C12orf42: variants seen among roughly 807,000 people sequenced by gnomAD.
C12orf42 encodes chromosome 12 open reading frame 42.
C12orf42 carries 25 observed loss-of-function variants against 21.6 expected under a neutral mutation model. That is an observed-to-expected ratio of 1.16 (90% CI 0.84 to 1.62). The LOEUF is 1.62. Ranked by LOEUF, C12orf42 falls within the 40% of genes most tolerant of loss-of-function variation. The probability of loss-of-function intolerance (pLI) is 0.00; values close to 1 mark genes in which losing one functional copy is unlikely to be tolerated. For synonymous variants in C12orf42, 174 were observed against 175.0 expected (o/e 0.99, Z 0.05); for missense variants, 483 against 459.3 (o/e 1.05, Z -0.47).
In C12orf42 at chr12:103,255,977, C is replaced by T. The variant is rs868062430; in HGVS notation, c.*1366+7349G>A. ...CTGAGGCAGGAGAATGGCGTGAACC[C>T]GGGAGGTGGAGCTTGCAGCGAGCCA... On this transcript the variant is annotated intron_variant and NMD_transcript_variant, in intron 10 of 10. Transcript: ENST00000547347. Among the ~76,000 whole-genome samples the T allele has an allele frequency of 8.1e-3, 1,133 of 139,688 alleles. 20 individuals are homozygous for T. Among genetic ancestry groups the T allele is most frequent in the African/African-American group, 0.029 (1,086 of 37,170 alleles). The allele number at this position is 139,688 out of a possible 152,430, so 91.6% of individuals were successfully genotyped here.
chr12:103,346,258 T>C (rs2042613564), intron 4 of C12orf42, among the ~76,000 whole-genome samples: 1 of 152,210 alleles, frequency 6.6e-6, no homozygotes, highest in Non-Finnish European at 1.5e-5. Flanking sequence ...AATAATGTTA[T>C]TACTGCTGTA....
chr12:103,142,120 C>T, the C12orf42 span, among the ~76,000 whole-genome samples: 1 of 152,098 alleles, frequency 6.6e-6, no homozygotes. Context: ...ATGAAAGAAG[C>T]TGGTTAAAGG....
chr12:103,506,065 T>C, the C12orf42 span: 2 of 222,548 alleles, frequency 9.0e-6, no homozygotes, highest in South Asian at 7.8e-5. Context: ...ATGGCTGATC[T>C]TTGCCACTTT....
At chr12:103,082,163 T>C in the C12orf42 span, among the ~76,000 whole-genome samples, 13 of 152,318 alleles carry the variant, frequency 8.5e-5, no homozygotes, top group African/African-American at 1.4e-4. Context: ...TATTTTCTGG[T>C]GAGAAAAACC....
At chr12:103,561,255 T>A in the C12orf42 span, among the ~76,000 whole-genome samples, 2 of 152,200 alleles carry the variant, frequency 1.3e-5, no homozygotes, top group African/African-American at 4.8e-5. Context: ...GCCCCAGCTT[T>A]GTGGATTTTG....
chr12:103,264,154 A>G (rs2035047214), downstream of C12orf42, among the ~76,000 whole-genome samples: 1 of 142,128 alleles, frequency 7.0e-6, no homozygotes, highest in African/African-American at 3.0e-5. Context: ...CTGAGAAAGT[A>G]ACAATGCTTC....
chr12:103,418,224 G>C (rs10860997), intron 2 of C12orf42, among the ~76,000 whole-genome samples: 94,502 of 151,922 alleles, frequency 0.62, 30,437 homozygotes, highest in Admixed American at 0.72. Flanking sequence ...AAAAATTCAG[G>C]GTTTTGGAAT....
At chr12:103,251,966 ATTTTAC>A (rs1253058941) in intron 10 of C12orf42, among the ~76,000 whole-genome samples, 1 of 152,142 alleles carries the variant, frequency 6.6e-6, no homozygotes. Context: ...ATTTTATTTT[ATTTTAC>A]TTTAAGTTCT....
At chr12:103,278,208 T>G (rs1411977937) in intron 4 of C12orf42, among the ~76,000 whole-genome samples, 1 of 152,146 alleles carries the variant, frequency 6.6e-6, no homozygotes, top group East Asian at 1.9e-4. Context: ...GGGGGGGCTA[T>G]GTCTACCAGA....
chr12:103,468,138 A>G (rs192415512), intron 2 of C12orf42, among the ~76,000 whole-genome samples: 4 of 152,346 alleles, frequency 2.6e-5, no homozygotes, highest in Non-Finnish European at 5.9e-5. Flanking sequence ...ACAAACTCTA[A>G]TTGATCATGT....
At chr12:103,347,621 C>T (rs2042746066) in intron 4 of C12orf42, among the ~76,000 whole-genome samples, 1 of 151,852 alleles carries the variant, frequency 6.6e-6, no homozygotes, top group Non-Finnish European at 1.5e-5. Context: ...GCCATCATTC[C>T]CAGGTACAGC....
chr12:103,323,042 C>T (rs2040340998), intron 4 of C12orf42, among the ~76,000 whole-genome samples: 1 of 151,990 alleles, frequency 6.6e-6, no homozygotes, highest in South Asian at 2.1e-4. Flanking sequence ...TAAGGCTGCC[C>T]AACTTTTCAT....
intron 4 of C12orf42, among the ~76,000 whole-genome samples, chr12:103,334,651 G>A (rs372023251): frequency 1.1e-4 from 16 of 152,064 alleles, no homozygotes; most frequent in East Asian, 1.9e-4. Flanking sequence ...TTTCCCCTGC[G>A]TTCCCAGCCC....
intron 10 of C12orf42, among the ~76,000 whole-genome samples, chr12:103,249,007 G>A (rs1317557271): frequency 1.3e-5 from 2 of 151,912 alleles, no homozygotes; most frequent in Non-Finnish European, 2.9e-5. Context: ...CAGTTTAGTG[G>A]GTAAGAATGA....
the C12orf42 span, among the ~76,000 whole-genome samples, chr12:103,053,633 T>C: frequency 1.3e-5 from 2 of 152,074 alleles, no homozygotes; most frequent in East Asian, 3.9e-4. Context: ...TTTAAAAAAC[T>C]GAATTGTGTT....
intron 4 of C12orf42, among the ~76,000 whole-genome samples, chr12:103,341,856 CA>C (rs745652119): frequency 3.9e-5 from 6 of 152,180 alleles, no homozygotes; most frequent in Non-Finnish European, 8.8e-5. Flanking sequence ...AAGTATATTT[CA>C]AAGAAATAAA....
At chr12:103,317,320 G>C (rs1045742786) in intron 4 of C12orf42, among the ~76,000 whole-genome samples, 4 of 152,064 alleles carry the variant, frequency 2.6e-5, no homozygotes, top group African/African-American at 9.7e-5. Flanking sequence ...GGGACACATG[G>C]GTCAGCCTCT....
At chr12:103,397,505 C>T (rs988456429) in intron 3 of C12orf42, among the ~76,000 whole-genome samples, 2 of 152,202 alleles carry the variant, frequency 1.3e-5, no homozygotes, top group African/African-American at 4.8e-5. Flanking sequence ...AGGTTGCACA[C>T]TCCTTATGAC....
chr12:103,556,950 G>A, the C12orf42 span, among the ~76,000 whole-genome samples: 1 of 150,610 alleles, frequency 6.6e-6, no homozygotes, highest in Non-Finnish European at 1.5e-5. Flanking sequence ...AAAAAAAAAG[G>A]CCTGGAAGAA....
Sources: allele counts gnomAD v4.1 joint callset (sites outside exome capture counted in the v4.1 genomes callset), GRCh38; gene constraint gnomAD v4.1.1; transcripts MANE v1.5; gene names NCBI Gene and HGNC (gene_info 2026-07-23, HGNC 2026-07-21).